Variants in TBC1D9 observed in about 807,000 individuals in gnomAD.
The protein encoded by TBC1D9 is TBC1 domain family member 9A.
TBC1D9 carries 63 observed loss-of-function variants against 132.0 expected under a neutral mutation model. The observed-to-expected ratio is 0.48, with a 90% CI of 0.39 to 0.59. The LOEUF (loss-of-function observed/expected upper bound fraction) is 0.59, where lower values mean the gene tolerates loss of function less well. TBC1D9 is among the 20% of genes least tolerant of loss of function. The pLI, the probability that TBC1D9 is intolerant of heterozygous loss-of-function variation, is 0.00. For missense variants in TBC1D9, 1,261 were observed against 1,592.7 expected (o/e 0.79, Z 3.54); for synonymous variants, 610 against 609.9 (o/e 1.00, Z 0.00).
chr4:140,641,737 T>A (rs1260309172), intron 13 of TBC1D9: 1 of 167,542 alleles, frequency 6.0e-6, no homozygotes, highest in Non-Finnish European at 1.3e-5. Flanking sequence ...GGCGATATTA[T>A]CACAACGATA....
At chr4:140,678,341 C>A (rs1737655940) in intron 5 of TBC1D9, among the ~76,000 whole-genome samples, 1 of 152,178 alleles carries the variant, frequency 6.6e-6, no homozygotes, top group Non-Finnish European at 1.5e-5. Context: ...CTTGGACATG[C>A]TCTTCCTTCT....
rs1736671875 is a variant in TBC1D9, at chr4:140,624,292, ATATAGAAGAGAATATCCT to A, written c.2974+4_2974+21del. 2 of 1,613,164 alleles carry A rather than the reference ATATAGAAGAGAATATCCT, an allele frequency of 1.2e-6. No homozygotes were observed. Among genetic ancestry groups the A allele is most frequent in the Non-Finnish European group, 1.7e-6 (2 of 1,179,418 alleles). Reference sequence around the variant, plus strand: ...GTGTACAACCAGCAAGAAGGTAAACATATAGAAGAGAATATCCTTACCTTTGTCTGGCTTTAGGCTCAC... The same window carrying A: ...GTGTACAACCAGCAAGAAGGTAAACATACCTTTGTCTGGCTTTAGGCTCAC... On this transcript the variant is annotated splice_donor_5th_base_variant and intron_variant, in intron 19 of 20. Transcript: ENST00000442267.
chr4:140,671,329 A>C (rs1343403351), intron 6 of TBC1D9, among the ~76,000 whole-genome samples: 1 of 152,158 alleles, frequency 6.6e-6, no homozygotes, highest in Non-Finnish European at 1.5e-5. Context: ...CCACTCCACC[A>C]CAACGAAAGC....
At chr4:140,742,825 A>G (rs1738780306) in intron 1 of TBC1D9, among the ~76,000 whole-genome samples, 1 of 152,044 alleles carries the variant, frequency 6.6e-6, no homozygotes. Context: ...TATTTGTGCA[A>G]GAAGGAAACA....
intron 15 of TBC1D9, among the ~76,000 whole-genome samples, chr4:140,638,439 C>G (rs193023720): frequency 1.1e-4 from 16 of 148,526 alleles, no homozygotes; most frequent in Non-Finnish European, 2.1e-4. Flanking sequence ...TTTGGGAGGT[C>G]GAGGTGGAGG....
chr4:140,679,479 T>A (rs1737673329), intron 4 of TBC1D9, 136 bp downstream of exon 4: 1 of 701,096 alleles, frequency 1.4e-6, no homozygotes, highest in East Asian at 2.7e-5. Flanking sequence ...TAAATTCACT[T>A]CAGTAGTAAA....
chr4:140,721,103 C>T (rs1738416825), intron 1 of TBC1D9, among the ~76,000 whole-genome samples: 1 of 152,144 alleles, frequency 6.6e-6, no homozygotes, highest in Non-Finnish European at 1.5e-5. Flanking sequence ...GACTGGAGAT[C>T]CTGGGGGCCC....
chr4:140,708,469 C>T (rs1262773753), intron 1 of TBC1D9, among the ~76,000 whole-genome samples: 1 of 152,178 alleles, frequency 6.6e-6, no homozygotes, highest in Non-Finnish European at 1.5e-5. Context: ...TATTCTCCTA[C>T]TTTGGCAATT....
At chr4:140,676,802 A>G in intron 6 of TBC1D9, 92 bp downstream of exon 6, 7 of 1,507,558 alleles carry the variant, frequency 4.6e-6, no homozygotes, top group Non-Finnish European at 6.2e-6. Context: ...CCTGTGTTCA[A>G]AAGCCAATTG....
At position 140,713,857 on chromosome 4, in the gene TBC1D9, AT is replaced by A. The variant is rs1396592365; in HGVS notation, c.131-12244del. Among the ~76,000 whole-genome samples the A allele has an allele frequency of 1.8e-4, 27 of 152,344 alleles. 1 individual carries two copies. Among genetic ancestry groups the A allele is most frequent in the Non-Finnish European group, 7.3e-5 (5 of 68,034 alleles). On this transcript the variant is annotated intron_variant, in intron 1 of 20. Transcript: ENST00000442267. ...TACAATGTACATGTATTATAATCAA[AT>A]AATGAACCACTAGGTTGGTGCAAAA...
intron 1 of TBC1D9, among the ~76,000 whole-genome samples, chr4:140,755,695 C>A (rs901396359): frequency 1.3e-5 from 2 of 152,186 alleles, no homozygotes; most frequent in African/African-American, 4.8e-5. Flanking sequence ...ACTTAAAGAG[C>A]GCTCAGTACG....
chr4:140,668,797 G>T, intron 9 of TBC1D9, 120 bp downstream of exon 9: 1 of 1,017,864 alleles, frequency 9.8e-7, no homozygotes, highest in Non-Finnish European at 1.4e-6. Flanking sequence ...ACATGATGTA[G>T]CTTTCAACTG....
At chr4:140,686,241 G>A in intron 3 of TBC1D9, 103 bp downstream of exon 3, 1 of 693,636 alleles carries the variant, frequency 1.4e-6, no homozygotes, top group Non-Finnish European at 2.4e-6. Flanking sequence ...GGTGAATTTG[G>A]GCAAAGGGTA....
In TBC1D9 at chr4:140,639,078, C is replaced by T. The variant is rs1325644114; in HGVS notation, c.2505+8G>A. 1 of 1,580,080 alleles carries T rather than the reference C, an allele frequency of 6.3e-7. No homozygotes were observed. The highest frequency in any genetic ancestry group is 8.6e-7 in the Non-Finnish European group (1 of 1,161,322). On this transcript the variant is annotated splice_region_variant and intron_variant, in intron 15 of 20. Coordinates refer to ENST00000442267, the MANE Select transcript of TBC1D9 (RefSeq NM_015130.3). Reference sequence around the variant, plus strand: ...TTTGAATGGGCATGAATTTACCTTGCAACTCACCTTGAAAAGAGCATAAAG... The same window carrying T: ...TTTGAATGGGCATGAATTTACCTTGTAACTCACCTTGAAAAGAGCATAAAG...
chr4:140,732,976 C>T (rs181425546), intron 1 of TBC1D9, among the ~76,000 whole-genome samples: 146 of 152,266 alleles, frequency 9.6e-4, no homozygotes, highest in Middle Eastern at 3.4e-3. Context: ...CATGAACTCT[C>T]CAATTTCCCC....
chr4:140,691,915 C>CGTCCA lies in TBC1D9; in HGVS notation c.242-5454_242-5453insTGGAC, dbSNP rs1207321781. 2.6e-5 allele frequency among the ~76,000 whole-genome samples: 4 copies of CGTCCA among 152,128 alleles called. No homozygotes were observed. In the South Asian group the frequency reaches 8.3e-4, roughly 32 times the overall value. ...CTACTTGAAATAAATAGAAGATGGACCTCCAAAATGATTCTATCACTTCTG... is the reference window on the plus strand; with the variant it reads ...CTACTTGAAATAAATAGAAGATGGACGTCCACTCCAAAATGATTCTATCACTTCTG... On this transcript the variant is annotated intron_variant, in intron 2 of 20. Transcript: ENST00000442267.
At chr4:140,682,547 C>T (rs1002864783) in intron 3 of TBC1D9, among the ~76,000 whole-genome samples, 1 of 152,182 alleles carries the variant, frequency 6.6e-6, no homozygotes, top group African/African-American at 2.4e-5. Context: ...GCCTATGTGA[C>T]ATTTCAAAGT....
At chr4:140,652,476 G>A (rs927361813) in intron 13 of TBC1D9, among the ~76,000 whole-genome samples, 4 of 152,104 alleles carry the variant, frequency 2.6e-5, no homozygotes, top group African/African-American at 7.2e-5. Context: ...GTGATTTCAA[G>A]ACTCCCTACT....
intron 13 of TBC1D9, chr4:140,642,263 G>A: frequency 1.4e-6 from 1 of 709,470 alleles, no homozygotes; most frequent in Non-Finnish European, 2.5e-6. Flanking sequence ...TGTAAGAGTA[G>A]CTGCTCACTT....
Sources: gnomAD v4.1 joint callset for allele counts (sites outside exome capture counted in the v4.1 genomes callset) on GRCh38, gnomAD v4.1.1 for gene constraint, MANE v1.5 for transcripts, NCBI Gene and HGNC (gene_info 2026-07-23, HGNC 2026-07-21) for gene names.